Variants in UBASH3A observed in about 807,000 individuals in gnomAD.
UBASH3A encodes the protein ubiquitin associated and SH3 domain containing A.
Under a neutral mutation model 73.5 loss-of-function variants are expected in UBASH3A, and 63 were observed. That is an observed-to-expected ratio of 0.86 (90% CI 0.70 to 1.06). The LOEUF is 1.06. UBASH3A is among the 50% of genes least tolerant of loss of function. The pLI is 0.00. For synonymous variants in UBASH3A, 363 were observed against 351.1 expected, an observed-to-expected ratio of 1.03 and a Z score of -0.38; for missense variants, 860 against 859.0, an observed-to-expected ratio of 1.00 and a Z score of -0.02.
intron 14 of UBASH3A, 120 bp downstream of exon 14, chr21:42,444,763 C>G (rs1200113668): frequency 4.9e-6 from 4 of 809,712 alleles, no homozygotes; most frequent in Non-Finnish European, 6.2e-6. Flanking sequence ...CACCAGGATC[C>G]ACGTGCCCCC....
In UBASH3A at chr21:42,413,668, C is replaced by T. The variant is rs1004417564; in HGVS notation, c.667+145C>T. 2 of 654,332 alleles carry T rather than the reference C, an allele frequency of 3.1e-6. No homozygotes were observed. Among genetic ancestry groups the T allele is most frequent in the East Asian group, 5.5e-5 (2 of 36,110 alleles). 40.5% of individuals were successfully genotyped at this position (654,332 alleles called of 1,614,324 possible). A position where few individuals can be genotyped will look rare whatever the true frequency, so the allele number is the denominator to read the frequency against. On this transcript the variant is annotated intron_variant, in intron 5 of 14. Coordinates refer to ENST00000319294, the MANE Select transcript of UBASH3A (RefSeq NM_018961.4). The surrounding 1 kb of genome is among the most constrained non-coding windows in gnomAD (Gnocchi z 4.5). Reference sequence around the variant, plus strand: ...CCAGAAGGGTGTGCCAAGCATCAAGCCTGAGTGGGTGACTGTGACGGGGTT... The same window carrying T: ...CCAGAAGGGTGTGCCAAGCATCAAGTCTGAGTGGGTGACTGTGACGGGGTT...
At chr21:42,414,343 C>T (rs1028146699) in intron 5 of UBASH3A, among the ~76,000 whole-genome samples, 2 of 152,160 alleles carry the variant, frequency 1.3e-5, no homozygotes, top group African/African-American at 4.8e-5. Context: ...AAGTCGCCCC[C>T]GGTCTTTGTG....
chr21:42,444,551 G>A lies in UBASH3A; in HGVS notation c.1756G>A (p.Val586Met), dbSNP rs1180427554. 2 of 1,613,562 alleles carry A rather than the reference G, an allele frequency of 1.2e-6. No individual in the cohort carries two copies. The highest frequency in any genetic ancestry group is 1.7e-4 in the Middle Eastern group (1 of 6,060). ...TTCCACAGCGGGTGTCATCCTAATT[G>A]TGAGTCACGGCTCCACTCTGGACTC... is the stretch of plus-strand genomic sequence containing the variant. Reference protein sequence around the residue: ...CPQDTGVILIVSHGSTLDSCT... With the variant: ...CPQDTGVILIMSHGSTLDSCT... The change falls in exon 14 of 15, where the codon GTG (valine) becomes ATG (methionine). Residue 586 changes from valine (V) to methionine (M), a missense_variant. By Grantham distance (21) the Val-to-Met change is conservative. Coordinates refer to ENST00000319294, the MANE Select transcript of UBASH3A (RefSeq NM_018961.4).
Position 42,447,147 on chromosome 21 carries a change from G to A in UBASH3A, c.1939G>A (p.Gly647Arg), listed in dbSNP as rs776235850. The stretch of plus-strand genomic sequence containing the variant: ...CCCACCGGTGAAGACCCTGACCCAC[G>A]GGGCGAACGCAGCATTTAACTGGAG... ...VNPPVKTLTH[G>R]ANAAFNWRNW... The change falls in exon 15 of 15, where the codon GGG becomes AGG. Residue 647 changes from glycine to arginine, a missense_variant. Coordinates refer to ENST00000319294, the MANE Select transcript of UBASH3A (RefSeq NM_018961.4). 21 of 1,614,032 alleles carry A rather than the reference G, an allele frequency of 1.3e-5. No individual in the cohort carries two copies. The East Asian group carries it at 1.6e-4, about 12-fold the overall frequency.
Position 42,447,320 on chromosome 21 carries a change from G to T in UBASH3A, c.*126G>T. 9.7e-7 allele frequency: 1 copy of T among 1,025,950 alleles called. No homozygotes were observed. Among genetic ancestry groups the T allele is most frequent in the Non-Finnish European group, 1.4e-6 (1 of 708,494 alleles). 63.6% of individuals were successfully genotyped at this position (1,025,950 alleles called of 1,614,324 possible). On this transcript the variant is annotated 3_prime_UTR_variant, in exon 15 of 15. Transcript: ENST00000319294. The stretch of plus-strand genomic sequence containing the variant: ...AATGTGATTTGTAGAAGCACGAGAC[G>T]CACTTTTATATCCCGGAATATTTCC...
chr21:42,428,687 TGTGGAGA>T (rs1255124676), intron 8 of UBASH3A, among the ~76,000 whole-genome samples: 18 of 151,896 alleles, frequency 1.2e-4, no homozygotes, highest in African/African-American at 4.1e-4. Flanking sequence ...ACCTGGGTAC[TGTGGAGA>T]AGTACCCAGG....
intron 9 of UBASH3A, 121 bp from the exon 10 acceptor site, chr21:42,434,711 A>G: frequency 8.8e-7 from 1 of 1,139,830 alleles, no homozygotes; most frequent in African/African-American, 1.6e-5. Flanking sequence ...GAAACAACAC[A>G]GTTGACAATA....
At chr21:42,411,914 A>G (rs977027420) in intron 3 of UBASH3A, among the ~76,000 whole-genome samples, 7 of 152,204 alleles carry the variant, frequency 4.6e-5, no homozygotes, top group African/African-American at 1.7e-4. Flanking sequence ...TTGCAGAGAA[A>G]ACAGACAGGG....
intron 13 of UBASH3A, among the ~76,000 whole-genome samples, chr21:42,444,091 C>T (rs1005638427): frequency 6.6e-6 from 1 of 152,358 alleles, no homozygotes. Context: ...CAGGGACAAG[C>T]GTGTCTCCTG....
chr21:42,414,764 A>G (rs369954360), intron 5 of UBASH3A, among the ~76,000 whole-genome samples: 49 of 152,224 alleles, frequency 3.2e-4, no homozygotes, highest in African/African-American at 1.1e-3. Flanking sequence ...CGGGGAGAGC[A>G]CAGCCCTGCC....
Position 42,447,161 on chromosome 21 carries a change from A to G in UBASH3A, c.1953A>G (p.Ala651=), listed in dbSNP as rs991715646. The G allele has an allele frequency of 6.2e-7, 1 of 1,614,076 alleles. No homozygotes were observed. Among genetic ancestry groups the G allele is most frequent in the Non-Finnish European group, 8.5e-7 (1 of 1,180,028 alleles). The change falls in exon 15 of 15, where the codon GCA becomes GCG. Residue 651 remains alanine (A), a synonymous_variant. Coordinates refer to ENST00000319294, the MANE Select transcript of UBASH3A (RefSeq NM_018961.4). ...VKTLTHGANA[A]FNWRNWISGN ...CCCTGACCCACGGGGCGAACGCAGC[A>G]TTTAACTGGAGGAACTGGATCTCAG...
chr21:42,443,293 C>G lies in UBASH3A; in HGVS notation c.1632-19C>G. 6.2e-7 allele frequency: 1 copy of G among 1,607,680 alleles called. No individual in the cohort carries two copies. Among genetic ancestry groups the G allele is most frequent in the Non-Finnish European group, 8.5e-7 (1 of 1,176,484 alleles). On this transcript the variant is annotated intron_variant, in intron 12 of 14. Transcript: ENST00000319294. ...TACGAAAGTGCCAGGGCAGCAGCCTCTCCTTCTCATCCTTCCAGGCCCGCG... is the reference window on the plus strand; with the variant it reads ...TACGAAAGTGCCAGGGCAGCAGCCTGTCCTTCTCATCCTTCCAGGCCCGCG...
intron 7 of UBASH3A, among the ~76,000 whole-genome samples, chr21:42,420,435 C>T: frequency 6.6e-6 from 1 of 152,148 alleles, no homozygotes; most frequent in Non-Finnish European, 1.5e-5. Flanking sequence ...GTTGAATCCA[C>T]AAATGCAGAA....
intron 7 of UBASH3A, among the ~76,000 whole-genome samples, chr21:42,419,298 C>T (rs990000624): frequency 1.3e-5 from 2 of 152,210 alleles, no homozygotes; most frequent in African/African-American, 4.8e-5. Flanking sequence ...TCATCAGATA[C>T]TGGTTCTTTT....
chr21:42,405,344 G>A (rs371583965), intron 1 of UBASH3A, among the ~76,000 whole-genome samples: 25 of 152,306 alleles, frequency 1.6e-4, no homozygotes, highest in Admixed American at 2.6e-4. Flanking sequence ...CATTAGTGGC[G>A]GAGGTGGAAC....
In UBASH3A at chr21:42,406,338, G is replaced by A; in HGVS notation, c.144G>A (p.Lys48=). The change falls in exon 2 of 15, where the codon AAG becomes AAA. Residue 48 remains lysine (K), a synonymous_variant. Coordinates refer to ENST00000319294, the MANE Select transcript of UBASH3A (RefSeq NM_018961.4). ...ALKALAATGR[K]TAEEALAWLH... is the part of the protein sequence containing the mutation. ...AAGCGTTGGCAGCCACGGGGAGGAA[G>A]ACGGCGGAGGAGGCCTTGGCCTGGT... The A allele has an allele frequency of 3.1e-6, 5 of 1,614,162 alleles. No individual in the cohort carries two copies. Among genetic ancestry groups the A allele is most frequent in the Non-Finnish European group, 4.2e-6 (5 of 1,179,976 alleles).
At chr21:42,436,396 G>A (rs535629750) in intron 10 of UBASH3A, among the ~76,000 whole-genome samples, 4 of 152,260 alleles carry the variant, frequency 2.6e-5, no homozygotes, top group East Asian at 1.9e-4. Context: ...ACACTGAGTC[G>A]GGAGGAGATG....
chr21:42,443,174 C>A (rs1421905502), intron 12 of UBASH3A, 138 bp from the exon 13 acceptor site: 63 of 1,403,806 alleles, frequency 4.5e-5, no homozygotes, highest in Non-Finnish European at 5.5e-5. Flanking sequence ...AAAACTGGAG[C>A]CTGCCTGTTG....
intron 7 of UBASH3A, among the ~76,000 whole-genome samples, chr21:42,420,878 TCTC>T (rs1317632746): frequency 1.3e-5 from 2 of 152,206 alleles, no homozygotes; most frequent in East Asian, 3.8e-4. Context: ...ATTTGTAAAA[TCTC>T]CTTCCAGCAG....
Sources: gnomAD v4.1 joint callset for allele counts (sites outside exome capture counted in the v4.1 genomes callset) on GRCh38, gnomAD v4.1.1 for gene constraint, Gnocchi (gnomAD v3.1) non-coding constraint, MANE v1.5 for transcripts, NCBI Gene and HGNC (gene_info 2026-07-23, HGNC 2026-07-21) for gene names.